The following FAM227B variants were observed in gnomAD, a reference collection of about 807,000 sequenced individuals.
FAM227B encodes the protein family with sequence similarity 227 member B.
FAM227B carries 88 observed loss-of-function variants against 73.8 expected under a neutral mutation model. That is an observed-to-expected ratio of 1.19 (90% CI 1.00 to 1.42). The LOEUF (loss-of-function observed/expected upper bound fraction) is 1.42. Among genes scored for constraint, FAM227B ranks in the 40% most tolerant of loss-of-function variants. The probability of loss-of-function intolerance (pLI) is 0.00; values close to 1 mark genes in which losing one functional copy is unlikely to be tolerated. For synonymous variants in FAM227B, 210 were observed against 190.5 expected, an observed-to-expected ratio of 1.10 and a Z score of -0.84; for missense variants, 632 against 590.9, an observed-to-expected ratio of 1.07 and a Z score of -0.72.
chr15:49,391,273 C>T (rs1460234212), intron 11 of FAM227B, among the ~76,000 whole-genome samples: 1 of 152,006 alleles, frequency 6.6e-6, no homozygotes, highest in East Asian at 1.9e-4. Flanking sequence ...TGTAGTAAGA[C>T]AGAACAGAGA....
At chr15:49,407,070 C>T (rs1377457800) in intron 11 of FAM227B, among the ~76,000 whole-genome samples, 1 of 152,166 alleles carries the variant, frequency 6.6e-6, no homozygotes, top group African/African-American at 2.4e-5. Flanking sequence ...CGACAGTTCT[C>T]CTGGGGCTAA....
At chr15:49,414,005 C>A (rs1175824718) in intron 11 of FAM227B, among the ~76,000 whole-genome samples, 1 of 151,928 alleles carries the variant, frequency 6.6e-6, no homozygotes, top group Non-Finnish European at 1.5e-5. Flanking sequence ...CTATTTATTT[C>A]CTCCTGAAAT....
At position 49,518,672 on chromosome 15, in the gene FAM227B, GA is replaced by G. The variant is rs537616873; in HGVS notation, c.875-10325del. 1.7e-3 allele frequency among the ~76,000 whole-genome samples: 254 copies of G among 148,510 alleles called. 1 individual carries two copies. The highest frequency in any genetic ancestry group is 6.9e-3 in the Middle Eastern group (2 of 290). On this transcript the variant is annotated intron_variant, in intron 10 of 15. Coordinates refer to ENST00000299338, the MANE Select transcript of FAM227B (RefSeq NM_152647.3). ...TATTCACTATCATGAGAACAGCATG[GA>G]AAAAAAAACACTCCCATGATTCAAT...
intron 11 of FAM227B, chr15:49,425,163 T>C (rs1157587249): frequency 2.0e-5 from 3 of 152,046 alleles, no homozygotes; most frequent in Admixed American, 1.3e-4. Flanking sequence ...TGATGACTTA[T>C]CAACTTAGGC....
chr15:49,571,400 T>A (rs1327439461), intron 8 of FAM227B, among the ~76,000 whole-genome samples: 1 of 151,996 alleles, frequency 6.6e-6, no homozygotes, highest in Non-Finnish European at 1.5e-5. Flanking sequence ...TGCCTGTACA[T>A]TTGGCTTCAT....
intron 11 of FAM227B, among the ~76,000 whole-genome samples, chr15:49,388,999 TG>T (rs1292905308): frequency 1.3e-5 from 2 of 151,888 alleles, no homozygotes; most frequent in Non-Finnish European, 2.9e-5. Flanking sequence ...CAATAGAGGT[TG>T]GCATGGATGT....
intron 11 of FAM227B, among the ~76,000 whole-genome samples, chr15:49,494,080 G>A (rs2057370976): frequency 6.6e-6 from 1 of 151,906 alleles, no homozygotes; most frequent in East Asian, 1.9e-4. Flanking sequence ...CTGACAGACT[G>A]TCAAGAAAAA....
intron 14 of FAM227B, chr15:49,334,296 T>C: frequency 2.1e-6 from 2 of 947,798 alleles, no homozygotes; most frequent in Non-Finnish European, 2.5e-6. Flanking sequence ...CTTTTCCCTA[T>C]AAAGTTAAAG....
intron 11 of FAM227B, among the ~76,000 whole-genome samples, chr15:49,439,675 G>A (rs1367775959): frequency 6.6e-6 from 1 of 151,738 alleles, no homozygotes; most frequent in Non-Finnish European, 1.5e-5. Flanking sequence ...TATTGGAACT[G>A]CTAATCTGGG....
intron 4 of FAM227B, among the ~76,000 whole-genome samples, chr15:49,588,588 TATATATATATATAA>T (rs2076329219): frequency 9.3e-6 from 1 of 107,282 alleles, no homozygotes; most frequent in African/African-American, 4.1e-5. Context: ...TATATATATA[TATATATATATATAA>T]AATTACCTTT....
intron 3 of FAM227B, among the ~76,000 whole-genome samples, chr15:49,605,974 G>A (rs1394472058): frequency 1.3e-5 from 2 of 152,086 alleles, no homozygotes; most frequent in Non-Finnish European, 2.9e-5. Flanking sequence ...TGCGGTCCAC[G>A]GCAAAGTTAT....
At chr15:49,555,479 A>G (rs2073560734) in intron 9 of FAM227B, among the ~76,000 whole-genome samples, 1 of 152,124 alleles carries the variant, frequency 6.6e-6, no homozygotes, top group Non-Finnish European at 1.5e-5. Context: ...GCTGCCATTA[A>G]TGTTTTTCTT....
At chr15:49,585,933 G>A (rs866325750) in intron 5 of FAM227B, among the ~76,000 whole-genome samples, 2 of 152,064 alleles carry the variant, frequency 1.3e-5, no homozygotes, top group East Asian at 1.9e-4. Context: ...AATCAATATC[G>A]TTAAAATGAC....
At chr15:49,351,284 T>C (rs1296370199) in intron 13 of FAM227B, among the ~76,000 whole-genome samples, 1 of 152,176 alleles carries the variant, frequency 6.6e-6, no homozygotes. Flanking sequence ...GCTATGGAAT[T>C]GTTAGTTTAA....
chr15:49,570,940 AT>A (rs1334415795), intron 8 of FAM227B, among the ~76,000 whole-genome samples: 2 of 148,140 alleles, frequency 1.4e-5, no homozygotes. Context: ...TATATATTAT[AT>A]ATAATTATAT....
chr15:49,431,611 ATC>A (rs2050626900), intron 11 of FAM227B, among the ~76,000 whole-genome samples: 1 of 151,732 alleles, frequency 6.6e-6, no homozygotes, highest in Non-Finnish European at 1.5e-5. Flanking sequence ...GAAGAAAGTA[ATC>A]TCTTCTACTG....
At chr15:49,442,737 C>T (rs935019106) in intron 11 of FAM227B, among the ~76,000 whole-genome samples, 6 of 151,702 alleles carry the variant, frequency 4.0e-5, no homozygotes, top group Non-Finnish European at 7.4e-5. Flanking sequence ...ACAGAAAAAG[C>T]TCAGTTCTAA....
intron 11 of FAM227B, among the ~76,000 whole-genome samples, chr15:49,503,564 CAAACAAATTTACAAGAA>C (rs1303649640): frequency 3.3e-5 from 5 of 151,958 alleles, no homozygotes; most frequent in Non-Finnish European, 7.4e-5. Context: ...ACAAAGAACT[CAAACAAATTTACAAGAA>C]AAAAACAAAC....
intron 11 of FAM227B, among the ~76,000 whole-genome samples, chr15:49,382,106 A>G (rs2046573493): frequency 6.6e-6 from 1 of 152,092 alleles, no homozygotes; most frequent in South Asian, 2.1e-4. Context: ...TCTATATATG[A>G]TTGTTTGGTG....
Sources: allele counts gnomAD v4.1 joint callset (sites outside exome capture counted in the v4.1 genomes callset), GRCh38; gene constraint gnomAD v4.1.1; transcripts MANE v1.5; gene names NCBI Gene and HGNC (gene_info 2026-07-23, HGNC 2026-07-21).